The following PAPOLG variants were observed in gnomAD, a reference collection of about 807,000 sequenced individuals.
PAPOLG encodes the protein PAP-gamma.
PAPOLG carries 40 observed loss-of-function variants against 99.0 expected under a neutral mutation model. That is an observed-to-expected ratio of 0.40 (90% CI 0.31 to 0.53). The LOEUF is 0.53. Ranked by LOEUF, PAPOLG falls within the 20% of genes least tolerant of loss-of-function variation. The pLI, the probability that PAPOLG is intolerant of heterozygous loss-of-function variation, is 0.41. For missense variants in PAPOLG, 675 were observed against 884.1 expected, an observed-to-expected ratio of 0.76 and a Z score of 3.00; for synonymous variants, 310 against 299.3, an observed-to-expected ratio of 1.04 and a Z score of -0.37.
intron 15 of PAPOLG, among the ~76,000 whole-genome samples, chr2:60,789,785 T>A (rs1384996970): frequency 6.6e-6 from 1 of 152,198 alleles, no homozygotes; most frequent in Non-Finnish European, 1.5e-5. Context: ...GCCCTCATAT[T>A]TATCATGAAA....
intron 1 of PAPOLG, among the ~76,000 whole-genome samples, chr2:60,756,909 A>G (rs1458264263): frequency 6.8e-6 from 1 of 147,044 alleles, no homozygotes; most frequent in Non-Finnish European, 1.5e-5. Context: ...CCAGGTCTTC[A>G]GGAGTGAAAG....
intron 11 of PAPOLG, 37 bp downstream of exon 11, chr2:60,782,042 A>G (rs1481826941): frequency 2.5e-6 from 4 of 1,599,172 alleles, no homozygotes; most frequent in Non-Finnish European, 3.4e-6. Flanking sequence ...ACATATTCCC[A>G]CAAGTTTTTG....
At chr2:60,788,765 A>T (rs1671442405) in intron 15 of PAPOLG, among the ~76,000 whole-genome samples, 1 of 152,054 alleles carries the variant, frequency 6.6e-6, no homozygotes, top group Non-Finnish European at 1.5e-5. Flanking sequence ...GGAGACTGGG[A>T]TGGGTGAATC....
intron 13 of PAPOLG, 38 bp downstream of exon 13, chr2:60,783,247 G>A (rs1261152051): frequency 7.5e-7 from 1 of 1,326,392 alleles, no homozygotes; most frequent in Non-Finnish European, 1.0e-6. Flanking sequence ...CTACTGTGTG[G>A]TGATAGTAAC....
rs1380045204 is a variant in PAPOLG, at chr2:60,781,995, A to G, written c.1017A>G (p.Glu339=). 1 of 1,613,936 alleles carries G rather than the reference A, an allele frequency of 6.2e-7. No homozygotes were observed. The highest frequency in any genetic ancestry group is 8.5e-7 in the Non-Finnish European group (1 of 1,179,828). Residue 339 remains glutamate (E), a synonymous_variant, in exon 11 of 22, where the codon GAA becomes GAG. Coordinates refer to ENST00000238714, the MANE Select transcript of PAPOLG (RefSeq NM_022894.4). ...STSTRTVMVE[E]FKQGLAVTDE... is the part of the protein sequence containing the mutation. ...CAACTCGAACAGTAATGGTAGAAGA[A>G]TTTAAACAAGGTAAACATGTGGCCC...
In PAPOLG at chr2:60,792,269, T is replaced by C; in HGVS notation, c.1659T>C (p.Pro553=). Residue 553 remains proline, a synonymous_variant, in exon 17 of 22, where the codon CCT becomes CCC. Transcript: ENST00000238714. ...CTCCAGCGTCCAAGTCTGATAGCCC[T>C]TCTGTAGGAGAAACAGAAAGGTCTG... is the stretch of plus-strand genomic sequence containing the variant. ...FNSPASKSDS[P]SVGETERNSA... 3 of 1,605,394 alleles carry C rather than the reference T, an allele frequency of 1.9e-6. No individual in the cohort carries two copies. Among genetic ancestry groups the C allele is most frequent in the South Asian group, 1.1e-5 (1 of 88,816 alleles).
At chr2:60,793,554 G>C in intron 17 of PAPOLG, 73 bp from the exon 18 acceptor site, 1 of 1,530,718 alleles carries the variant, frequency 6.5e-7, no homozygotes, top group South Asian at 1.2e-5. Context: ...GTAGAATGAG[G>C]CCTTTTCTCA....
At chr2:60,758,751 A>G (rs2103751460) in intron 1 of PAPOLG, among the ~76,000 whole-genome samples, 1 of 152,230 alleles carries the variant, frequency 6.6e-6, no homozygotes, top group Non-Finnish European at 1.5e-5. Context: ...TTTAGCTATT[A>G]CAGCGTGTCT....
In PAPOLG at chr2:60,780,786, G is replaced by A; in HGVS notation, c.906+7G>A. 1 of 1,596,486 alleles carries A rather than the reference G, an allele frequency of 6.3e-7. No homozygotes were observed. The highest frequency in any genetic ancestry group is 8.6e-7 in the Non-Finnish European group (1 of 1,164,064). On this transcript the variant is annotated splice_region_variant and intron_variant, in intron 10 of 21. Coordinates refer to ENST00000238714, the MANE Select transcript of PAPOLG (RefSeq NM_022894.4). ...GCCTGTCTGGGATCCTCGGGTATGT[G>A]ATTTATTATGGAGTTTCTTTAAAGC...
At chr2:60,783,243 T>C in intron 13 of PAPOLG, 34 bp downstream of exon 13, 1 of 1,364,472 alleles carries the variant, frequency 7.3e-7, no homozygotes, top group Non-Finnish European at 1.0e-6. Context: ...CTACCTACTG[T>C]GTGGTGATAG....
intron 17 of PAPOLG, among the ~76,000 whole-genome samples, chr2:60,793,301 A>G (rs1310708399): frequency 2.0e-5 from 3 of 151,696 alleles, no homozygotes; most frequent in Non-Finnish European, 2.9e-5. Context: ...TCACATCTAT[A>G]ATTTCAGCAC....
Position 60,793,952 on chromosome 2 carries a change from T to C in PAPOLG, c.1769-19T>C, listed in dbSNP as rs746650967. On this transcript the variant is annotated intron_variant, in intron 18 of 21. Coordinates refer to ENST00000238714, the MANE Select transcript of PAPOLG (RefSeq NM_022894.4). ...TTACATAAATGTTTAATTATTAAAA[T>C]CCTTTTTTTCCTTTTCAGAAGTTGA... 4.4e-6 allele frequency: 7 copies of C among 1,590,444 alleles called. No homozygotes were observed. The highest frequency in any genetic ancestry group is 6.0e-6 in the Non-Finnish European group (7 of 1,166,404).
intron 2 of PAPOLG, 107 bp downstream of exon 2, chr2:60,760,402 CAA>C: frequency 9.0e-7 from 1 of 1,106,692 alleles, no homozygotes; most frequent in Non-Finnish European, 1.3e-6. Flanking sequence ...GCAGAAATGA[CAA>C]AAAGAAAAAT....
chr2:60,781,313 T>C (rs1013265025), intron 10 of PAPOLG, among the ~76,000 whole-genome samples: 3 of 151,866 alleles, frequency 2.0e-5, no homozygotes, highest in African/African-American at 4.8e-5. Flanking sequence ...GCCGAGACTG[T>C]GCCACTGCAC....
In PAPOLG at chr2:60,796,020, G is replaced by A. The variant is rs149179897; in HGVS notation, c.2112+1000G>A. ...AAATTGTAATAATGTCTGAAACTTG[G>A]TTTTGGCATTTAAGTCCTTATTGCC... On this transcript the variant is annotated intron_variant, in intron 21 of 21. Coordinates refer to ENST00000238714, the MANE Select transcript of PAPOLG (RefSeq NM_022894.4). 1.3e-4 allele frequency among the ~76,000 whole-genome samples: 20 copies of A among 152,068 alleles called. 1 individual carries two copies. In the East Asian group the frequency reaches 3.9e-3, roughly 29 times the overall value.
At chr2:60,767,447 G>A (rs1237486285) in intron 3 of PAPOLG, among the ~76,000 whole-genome samples, 2 of 151,542 alleles carry the variant, frequency 1.3e-5, no homozygotes, top group Non-Finnish European at 1.5e-5. Context: ...TGAGACTACA[G>A]GCACACGCCA....
chr2:60,774,723 G>C (rs1359966091), intron 7 of PAPOLG, among the ~76,000 whole-genome samples: 1 of 152,178 alleles, frequency 6.6e-6, no homozygotes, highest in East Asian at 1.9e-4. Context: ...GTAAATTACA[G>C]TATTTGTGGA....
At chr2:60,757,497 A>T (rs1035657515) in intron 1 of PAPOLG, among the ~76,000 whole-genome samples, 2 of 152,188 alleles carry the variant, frequency 1.3e-5, no homozygotes, top group Non-Finnish European at 2.9e-5. Context: ...AATAACTGGC[A>T]TAGTTCTAGT....
At position 60,800,317 on chromosome 2, in the gene PAPOLG, C is replaced by G. The variant is rs923225271; in HGVS notation, c.*3157C>G. 4 of 152,322 alleles carry G rather than the reference C, an allele frequency of 2.6e-5. No homozygotes were observed. The highest frequency in any genetic ancestry group is 9.7e-5 in the African/African-American group (4 of 41,442). 9.4% of individuals were successfully genotyped at this position (152,322 alleles called of 1,614,324 possible). On this transcript the variant is annotated 3_prime_UTR_variant, in exon 22 of 22. Coordinates refer to ENST00000238714, the MANE Select transcript of PAPOLG (RefSeq NM_022894.4). ...TCTCTTGCCTCAGCCTCCCAAGTAG[C>G]TGGAATTACAGGCCTGTGCCATGCC...
Sources: allele counts gnomAD v4.1 joint callset (sites outside exome capture counted in the v4.1 genomes callset), GRCh38; gene constraint gnomAD v4.1.1; transcripts MANE v1.5; gene names NCBI Gene and HGNC (gene_info 2026-07-23, HGNC 2026-07-21).